The following ZFYVE21 variants were observed in gnomAD, a reference collection of about 807,000 sequenced individuals.
ZFYVE21 encodes zinc finger FYVE-type containing 21.
ZFYVE21 carries 21 observed loss-of-function variants against 29.5 expected under a neutral mutation model. The observed-to-expected ratio is 0.71, with a 90% CI of 0.50 to 1.02. ZFYVE21 has a LOEUF of 1.02. Ranked by LOEUF, ZFYVE21 falls within the 50% of genes least tolerant of loss-of-function variation. ZFYVE21 has a pLI of 0.00. For synonymous variants in ZFYVE21, 151 were observed against 133.8 expected (o/e 1.13, Z -0.89); for missense variants, 326 against 335.4 (o/e 0.97, Z 0.22).
In ZFYVE21 at chr14:103,716,100, C is replaced by A; in HGVS notation, c.138+121C>A. 3.1e-6 allele frequency: 3 copies of A among 956,294 alleles called. No individual in the cohort carries two copies. In the South Asian group the frequency reaches 1.5e-4, roughly 47 times the overall value. The allele number at this position is 956,294 out of a possible 1,614,324, so 59.2% of individuals were successfully genotyped here. A position where few individuals can be genotyped will look rare whatever the true frequency, so the allele number is the denominator to read the frequency against. The stretch of plus-strand genomic sequence containing the variant: ...TCCGGGCGGCCCCTTCCCCAGCCGG[C>A]CCCCGCCCCCGCTCTCTCCCAGGTT... On this transcript the variant is annotated intron_variant, in intron 1 of 6. Transcript: ENST00000311141. The surrounding 1 kb of genome is among the most constrained non-coding windows in gnomAD (Gnocchi z 4.8).
At position 103,729,887 on chromosome 14, in the gene ZFYVE21, G is replaced by C; in HGVS notation, c.526+705G>C. On this transcript the variant is annotated intron_variant, in intron 5 of 6. Coordinates refer to ENST00000311141, the MANE Select transcript of ZFYVE21 (RefSeq NM_024071.4). ...CTCACCGGGGCTCCCCGCATGCAGC[G>C]GGCCCGTTCCTCCCCTCGCCACCTG... The C allele has an allele frequency of 3.9e-6, 6 of 1,533,790 alleles. No homozygotes were observed. The South Asian group carries it at 4.8e-5, about 12-fold the overall frequency.
chr14:103,721,687 C>G (rs549224009), intron 1 of ZFYVE21, among the ~76,000 whole-genome samples: 4 of 152,348 alleles, frequency 2.6e-5, no homozygotes, highest in African/African-American at 9.6e-5. Context: ...CCTTGCCTCA[C>G]TCTCCCTCTT....
intron 5 of ZFYVE21, chr14:103,730,962 C>T (rs2083968049): frequency 6.6e-6 from 1 of 152,430 alleles, no homozygotes; most frequent in African/African-American, 2.4e-5. Flanking sequence ...GCAAGGTTCC[C>T]CAGTGTTGGG....
At chr14:103,724,433 A>T (rs2083901099) in intron 1 of ZFYVE21, 1 of 152,100 alleles carries the variant, frequency 6.6e-6, no homozygotes, top group Non-Finnish European at 1.5e-5. Flanking sequence ...GTTAGATAAG[A>T]CGTCTGAGCT....
intron 2 of ZFYVE21, 72 bp from the exon 3 acceptor site, chr14:103,727,674 C>G (rs1333976888): frequency 6.3e-7 from 1 of 1,581,466 alleles, no homozygotes; most frequent in African/African-American, 1.3e-5. Flanking sequence ...GAGTGCCAGG[C>G]CAGCCGGGGC....
At chr14:103,730,098 C>CT (rs1491086157) in intron 5 of ZFYVE21, 30 of 524,628 alleles carry the variant, frequency 5.7e-5, no homozygotes, top group Non-Finnish European at 9.4e-5. Context: ...TGACAGCTCT[C>CT]TGTCAGTACC....
At chr14:103,729,562 G>C in intron 5 of ZFYVE21, 2 of 604,654 alleles carry the variant, frequency 3.3e-6, no homozygotes, top group South Asian at 4.3e-5. Flanking sequence ...CAGCACTTCA[G>C]CCCTCCTCCT....
chr14:103,731,825 A>G (rs1350937946), intron 5 of ZFYVE21: 1 of 152,244 alleles, frequency 6.6e-6, no homozygotes, highest in Non-Finnish European at 1.5e-5. Context: ...TTCCCTCCCA[A>G]GTCATCAAGT....
In ZFYVE21 at chr14:103,727,892, G is replaced by A. The variant is rs748840262; in HGVS notation, c.336G>A (p.Lys112=). The change falls in exon 3 of 7, where the codon AAG becomes AAA. Residue 112 remains lysine, a synonymous_variant. Transcript: ENST00000311141. ...VSLKEAEFYD[K]QLKVLLSGAT... ...TCAAGGAGGCGGAGTTCTACGACAA[G>A]CAGCTCAAAGTGCTCCTGAGCGGTA... 1.2e-6 allele frequency: 2 copies of A among 1,612,716 alleles called. No individual in the cohort carries two copies. The highest frequency in any genetic ancestry group is 1.7e-6 in the Non-Finnish European group (2 of 1,179,518).
rs764421307 is a variant in ZFYVE21, at chr14:103,732,739, G to T, written c.646G>T (p.Ala216Ser). Residue 216 changes from alanine to serine, a missense_variant, in exon 6 of 7, where the codon GCG (alanine) becomes TCG (serine). Ala to Ser is a moderately conservative substitution (Grantham distance 99). Coordinates refer to ENST00000311141, the MANE Select transcript of ZFYVE21 (RefSeq NM_024071.4). ...GACTGTGGGCAGGAGGCAGGCGGTG[G>T]CGTGGCTAGTGGCCATGCACAAGGT... ...DVTVGRRQAV[A>S]WLVAMHKAAK... 6.2e-7 allele frequency: 1 copy of T among 1,613,006 alleles called. No individual in the cohort carries two copies. The highest frequency in any genetic ancestry group is 1.7e-5 in the Admixed American group (1 of 59,644).
chr14:103,720,436 G>A (rs2083863167), intron 1 of ZFYVE21, among the ~76,000 whole-genome samples: 1 of 152,226 alleles, frequency 6.6e-6, no homozygotes, highest in Non-Finnish European at 1.5e-5. Flanking sequence ...CAGCCAGTGG[G>A]TGACGCTTCT....
At position 103,727,899 on chromosome 14, in the gene ZFYVE21, A is replaced by G. The variant is rs1400712202; in HGVS notation, c.343A>G (p.Lys115Glu). 2 of 1,612,326 alleles carry G rather than the reference A, an allele frequency of 1.2e-6. No individual in the cohort carries two copies. The highest frequency in any genetic ancestry group is 2.7e-5 in the African/African-American group (2 of 74,932). The change falls in exon 3 of 7, where the codon AAA (lysine) becomes GAA (glutamate). Residue 115 changes from lysine (K) to glutamate (E), a missense_variant. Lys to Glu is a moderately conservative substitution (Grantham distance 56). Coordinates refer to ENST00000311141, the MANE Select transcript of ZFYVE21 (RefSeq NM_024071.4). ...KEAEFYDKQL[K>E]VLLSGATFLV... is the part of the protein sequence containing the mutation. ...GGCGGAGTTCTACGACAAGCAGCTC[A>G]AAGTGCTCCTGAGCGGTAAGGACGG...
chr14:103,729,288 G>A, intron 5 of ZFYVE21, 106 bp downstream of exon 5: 1 of 1,099,894 alleles, frequency 9.1e-7, no homozygotes, highest in African/African-American at 1.6e-5. Flanking sequence ...TGAGGAGTGG[G>A]GTCTGCTGGG....
chr14:103,716,676 G>T lies in ZFYVE21; in HGVS notation c.138+697G>T, dbSNP rs1031293108. 1.5e-4 allele frequency among the ~76,000 whole-genome samples: 23 copies of T among 152,216 alleles called. No homozygotes were observed. Among genetic ancestry groups the T allele is most frequent in the Non-Finnish European group, 2.9e-4 (20 of 68,032 alleles). On this transcript the variant is annotated intron_variant, in intron 1 of 6. Coordinates refer to ENST00000311141, the MANE Select transcript of ZFYVE21 (RefSeq NM_024071.4). This position sits in a 1 kb window ranked among gnomAD's most constrained non-coding sequence, Gnocchi z 4.8. ...ACCCGTTTCCCATGGGCCCAGACAC[G>T]GCAGGAGTTGCCCAGGCCACTCCTG... is the stretch of plus-strand genomic sequence containing the variant.
At chr14:103,717,075 G>C (rs2083829386) in intron 1 of ZFYVE21, among the ~76,000 whole-genome samples, 1 of 152,206 alleles carries the variant, frequency 6.6e-6, no homozygotes, top group Non-Finnish European at 1.5e-5. Context: ...TTGGAGGCCT[G>C]GTGGGGGGTG....
At chr14:103,721,313 G>A (rs1278021323) in intron 1 of ZFYVE21, among the ~76,000 whole-genome samples, 1 of 152,252 alleles carries the variant, frequency 6.6e-6, no homozygotes, top group Non-Finnish European at 1.5e-5. Flanking sequence ...CAGGAGAAGT[G>A]TGTTCCGAAA....
intron 3 of ZFYVE21, among the ~76,000 whole-genome samples, chr14:103,728,504 G>A (rs575800953): frequency 3.8e-4 from 58 of 152,180 alleles, no homozygotes; most frequent in Non-Finnish European, 4.4e-4. Context: ...TGTGTGAAAC[G>A]GGCATGGTCC....
intron 1 of ZFYVE21, among the ~76,000 whole-genome samples, chr14:103,724,273 C>T (rs1482077484): frequency 6.6e-6 from 1 of 152,250 alleles, no homozygotes; most frequent in Non-Finnish European, 1.5e-5. Context: ...GTGGAATCAG[C>T]CCCAGCAGTG....
intron 1 of ZFYVE21, among the ~76,000 whole-genome samples, chr14:103,719,347 T>C (rs185725998): frequency 5.9e-4 from 90 of 151,458 alleles, no homozygotes; most frequent in African/African-American, 2.1e-3. Flanking sequence ...GTATCCCAGC[T>C]CAGGAGGCTG....
Sources: allele counts gnomAD v4.1 joint callset (sites outside exome capture counted in the v4.1 genomes callset), GRCh38; gene constraint gnomAD v4.1.1; non-coding constraint Gnocchi (gnomAD v3.1); transcripts MANE v1.5; gene names NCBI Gene and HGNC (gene_info 2026-07-23, HGNC 2026-07-21).